The following SGK3 variants were observed in gnomAD, a reference collection of about 807,000 sequenced individuals.
SGK3 encodes serine/threonine-protein kinase Sgk3.
In SGK3, 47 loss-of-function variants were observed where a neutral mutation model predicts 68.5. The observed-to-expected ratio is 0.69, with a 90% CI of 0.54 to 0.87. SGK3 has a LOEUF of 0.87. Ranked by LOEUF, SGK3 falls within the 40% of genes least tolerant of loss-of-function variation. The probability of loss-of-function intolerance (pLI) is 0.00; values close to 1 mark genes in which losing one functional copy is unlikely to be tolerated. For synonymous variants in SGK3, 181 were observed against 189.1 expected (o/e 0.96, Z 0.35); for missense variants, 479 against 575.5 (o/e 0.83, Z 1.72).
intron 7 of SGK3, 56 bp from the exon 8 acceptor site, chr8:66,831,197 TA>T: frequency 6.3e-7 from 1 of 1,593,652 alleles, no homozygotes; most frequent in South Asian, 1.1e-5. Flanking sequence ...AAGAAATGTT[TA>T]AAAGTTAATA....
intron 1 of SGK3, among the ~76,000 whole-genome samples, chr8:66,741,275 C>G (rs926759809): frequency 6.6e-6 from 1 of 152,110 alleles, no homozygotes; most frequent in Admixed American, 6.6e-5. Flanking sequence ...TGGGGCCAGG[C>G]ACGGTGGCTC....
At chr8:66,780,250 T>C (rs1806920337) in intron 1 of SGK3, among the ~76,000 whole-genome samples, 1 of 152,176 alleles carries the variant, frequency 6.6e-6, no homozygotes, top group Non-Finnish European at 1.5e-5. Context: ...ACTGAACATC[T>C]CACTAGCACA....
At chr8:66,773,480 C>T (rs1563619717) in intron 1 of SGK3, among the ~76,000 whole-genome samples, 1 of 152,334 alleles carries the variant, frequency 6.6e-6, no homozygotes, top group East Asian at 1.9e-4. Flanking sequence ...CCCATCTAAA[C>T]TATGTTTTTT....
chr8:66,745,442 C>T (rs1365545460), intron 1 of SGK3, among the ~76,000 whole-genome samples: 1 of 151,920 alleles, frequency 6.6e-6, no homozygotes, highest in South Asian at 2.1e-4. Context: ...GGTGTGGTGG[C>T]GGGCGCCTGT....
intron 8 of SGK3, among the ~76,000 whole-genome samples, chr8:66,832,177 A>G (rs912049967): frequency 6.6e-6 from 1 of 152,194 alleles, no homozygotes; most frequent in Non-Finnish European, 1.5e-5. Context: ...TTATTTTCTT[A>G]TGGTGTCAGA....
intron 1 of SGK3, among the ~76,000 whole-genome samples, chr8:66,729,808 G>A (rs914989382): frequency 6.6e-6 from 1 of 151,786 alleles, no homozygotes; most frequent in South Asian, 2.1e-4. Context: ...ACAGTGGCGC[G>A]ATCTTGGCTC....
chr8:66,771,039 CT>C (rs1458944819), intron 1 of SGK3, among the ~76,000 whole-genome samples: 1 of 152,130 alleles, frequency 6.6e-6, no homozygotes, highest in African/African-American at 2.4e-5. Flanking sequence ...TTTTTTCTGT[CT>C]CTTTTTCGTT....
intron 1 of SGK3, among the ~76,000 whole-genome samples, chr8:66,722,837 T>C (rs1804834579): frequency 6.6e-6 from 1 of 151,694 alleles, no homozygotes; most frequent in Non-Finnish European, 1.5e-5. Flanking sequence ...GAAGGGGGAA[T>C]AGGGACATCA....
intron 3 of SGK3, among the ~76,000 whole-genome samples, chr8:66,800,282 A>C (rs1292742088): frequency 6.7e-6 from 1 of 149,682 alleles, no homozygotes; most frequent in African/African-American, 2.5e-5. Context: ...CAGAGGTTGC[A>C]GTGAGCCGAG....
At chr8:66,844,750 C>T (rs16933079) in intron 14 of SGK3, among the ~76,000 whole-genome samples, 14,601 of 152,100 alleles carry the variant, frequency 0.096, 1,087 homozygotes, top group African/African-American at 0.21. Context: ...AAAACTGTGG[C>T]GCTTACAGTG....
At chr8:66,765,176 C>T (rs2130472033) in intron 1 of SGK3, among the ~76,000 whole-genome samples, 1 of 152,352 alleles carries the variant, frequency 6.6e-6, no homozygotes, top group African/African-American at 2.4e-5. Context: ...TACATTTTCA[C>T]CACCAATGTA....
chr8:66,835,799 T>A lies in SGK3; in HGVS notation c.562T>A (p.Tyr188Asn). ...AAAACGGAAACTGGATGGAAAATTT[T>A]ATGCTGTCAAAGTGTTACAGAAAAA... ...LAKRKLDGKFYAVKVLQKKIV... is the reference protein window; with the variant it reads ...LAKRKLDGKFNAVKVLQKKIV... The change falls in exon 9 of 17, where the codon TAT becomes AAT. Residue 188 changes from tyrosine to asparagine, a missense_variant. Coordinates refer to ENST00000521198, the MANE Select transcript of SGK3 (RefSeq NM_001033578.3). The A allele has an allele frequency of 6.2e-7, 1 of 1,612,714 alleles. No homozygotes were observed. The highest frequency in any genetic ancestry group is 8.5e-7 in the Non-Finnish European group (1 of 1,179,668).
Position 66,766,392 on chromosome 8 carries a change from G to A in SGK3, c.-121-27224G>A, listed in dbSNP as rs930396667. On this transcript the variant is annotated intron_variant, in intron 1 of 16. Coordinates refer to ENST00000521198, the MANE Select transcript of SGK3 (RefSeq NM_001033578.3). The stretch of plus-strand genomic sequence containing the variant: ...ACAAAAATTAGCTGGGTCTGGTGGC[G>A]TGTGCCTGTAGTCTCAGCTACTCGA... Among the ~76,000 whole-genome samples the A allele has an allele frequency of 4.6e-5, 7 of 152,074 alleles. 1 individual carries two copies. Among genetic ancestry groups the A allele is most frequent in the Admixed American group, 1.3e-4 (2 of 15,268 alleles).
At chr8:66,856,082 T>C (rs1053468072) in intron 16 of SGK3, among the ~76,000 whole-genome samples, 3 of 152,090 alleles carry the variant, frequency 2.0e-5, no homozygotes, top group African/African-American at 7.2e-5. Flanking sequence ...TTTTTTTTTT[T>C]TTTGAGATGG....
At chr8:66,777,294 A>T (rs564096247) in intron 1 of SGK3, among the ~76,000 whole-genome samples, 9 of 152,202 alleles carry the variant, frequency 5.9e-5, no homozygotes, top group Non-Finnish European at 1.2e-4. Flanking sequence ...GTTGTCTGAC[A>T]TGAGAGCGTA....
At chr8:66,762,815 A>C (rs1441257594) in intron 1 of SGK3, among the ~76,000 whole-genome samples, 1 of 152,232 alleles carries the variant, frequency 6.6e-6, no homozygotes, top group African/African-American at 2.4e-5. Context: ...TCTCCCACTA[A>C]AGTTTACTGA....
chr8:66,755,205 G>A (rs182298910), intron 1 of SGK3, among the ~76,000 whole-genome samples: 2 of 147,644 alleles, frequency 1.4e-5, no homozygotes, highest in Non-Finnish European at 3.0e-5. Flanking sequence ...GTTGCAGTGA[G>A]CCGAGATCAC....
intron 1 of SGK3, among the ~76,000 whole-genome samples, chr8:66,771,048 G>A (rs934803799): frequency 4.0e-5 from 6 of 151,878 alleles, no homozygotes; most frequent in East Asian, 1.9e-4. Flanking sequence ...TCTCTTTTTC[G>A]TTTTTCCTTT....
At chr8:66,749,303 G>A (rs946940070) in intron 1 of SGK3, among the ~76,000 whole-genome samples, 6 of 152,152 alleles carry the variant, frequency 3.9e-5, no homozygotes, top group Middle Eastern at 6.8e-3. Flanking sequence ...CACGAGGCCC[G>A]GAGTTCGAGA....
Sources: allele counts gnomAD v4.1 joint callset (sites outside exome capture counted in the v4.1 genomes callset), GRCh38; gene constraint gnomAD v4.1.1; transcripts MANE v1.5; gene names NCBI Gene and HGNC (gene_info 2026-07-23, HGNC 2026-07-21).